Variants in ADGRG2 observed in about 807,000 individuals in gnomAD.
ADGRG2 encodes G protein-coupled receptor 64.
In ADGRG2, 26 loss-of-function variants were observed where a neutral mutation model predicts 74.1. The observed-to-expected ratio is 0.35, with a 90% confidence interval of 0.26 to 0.49. The LOEUF is 0.49. ADGRG2 is among the 20% of genes least tolerant of loss of function. ADGRG2 has a pLI of 0.99. For synonymous variants in ADGRG2, 296 were observed against 295.2 expected (o/e 1.00, Z -0.03); for missense variants, 619 against 763.1 (o/e 0.81, Z 2.22).
rs766298991 is a variant in ADGRG2, at chrX:18,996,139, G to A, written c.2628C>T (p.Phe876=). ...TTTCTTTGGCCACACAGTAAAAGAT[G>A]AATATGAAAAATCCTAAGGAGGGAA... is the stretch of plus-strand genomic sequence containing the variant. ...IFNTLQGFFI[F]IFYCVAKENV... The change falls in exon 27 of 29, where the codon TTC becomes TTT. Residue 876 remains phenylalanine (F), a synonymous_variant. Transcript: ENST00000379869. 3.8e-5 allele frequency: 42 copies of A among 1,115,147 alleles called. No homozygotes were observed. Among genetic ancestry groups the A allele is most frequent in the Non-Finnish European group, 5.2e-5 (42 of 812,213 alleles). The allele number at this position is 1,115,147 out of a possible 1,213,427, so 91.9% of individuals were successfully genotyped here.
chrX:19,007,141 C>G, intron 20 of ADGRG2, 94 bp downstream of exon 20: 2 of 919,233 alleles, frequency 2.2e-6, no homozygotes, highest in Non-Finnish European at 3.1e-6. Flanking sequence ...AAGGTTCTTT[C>G]TGCCTGATCT....
intron 8 of ADGRG2, chrX:19,031,259 G>A (rs1165802546): frequency 5.2e-6 from 2 of 385,165 alleles, no homozygotes; most frequent in East Asian, 4.4e-5. Context: ...TCTTTAGTAT[G>A]TCAATATCTG....
chrX:19,083,170 AT>A (rs58522004), intron 1 of ADGRG2, among the ~76,000 whole-genome samples: 283 of 83,143 alleles, frequency 3.4e-3, no homozygotes, highest in South Asian at 8.2e-3. Context: ...CACCCGGCTA[AT>A]TTTTTTTTTT....
chrX:19,074,218 C>T (rs1333468476), intron 2 of ADGRG2, among the ~76,000 whole-genome samples: 1 of 110,899 alleles, frequency 9.0e-6, no homozygotes, highest in Non-Finnish European at 1.9e-5. Context: ...GAATAAAATG[C>T]TAAAAGCATT....
At chrX:19,022,151 C>A (rs2060603112) in intron 13 of ADGRG2, among the ~76,000 whole-genome samples, 1 of 109,528 alleles carries the variant, frequency 9.1e-6, no homozygotes, top group Admixed American at 9.7e-5. Context: ...GTAATCCCAG[C>A]TACTCAGGAG....
At chrX:19,092,248 T>C (rs748621600) in intron 1 of ADGRG2, among the ~76,000 whole-genome samples, 1 of 112,272 alleles carries the variant, frequency 8.9e-6, no homozygotes, top group African/African-American at 3.2e-5. Flanking sequence ...TTGGCCTTCA[T>C]AGTCACATAC....
At chrX:19,018,999 T>G (rs992762096) in intron 15 of ADGRG2, among the ~76,000 whole-genome samples, 1 of 111,167 alleles carries the variant, frequency 9.0e-6, no homozygotes, top group Non-Finnish European at 1.9e-5. Flanking sequence ...CCCGCCACCA[T>G]GCCCGGCTAA....
chrX:19,098,899 G>GT (rs1379455884), intron 1 of ADGRG2, among the ~76,000 whole-genome samples: 3 of 112,530 alleles, frequency 2.7e-5, no homozygotes, highest in Non-Finnish European at 5.6e-5. Flanking sequence ...AGAAAATTAA[G>GT]TGAGGCCAGG....
chrX:19,025,257 T>C (rs965594800), intron 11 of ADGRG2, among the ~76,000 whole-genome samples: 1 of 109,989 alleles, frequency 9.1e-6, no homozygotes, highest in Non-Finnish European at 1.9e-5. Flanking sequence ...CCCACCAGAT[T>C]CTAGAGCCCT....
At chrX:19,077,263 G>A (rs1046363493) in intron 2 of ADGRG2, among the ~76,000 whole-genome samples, 36 of 105,710 alleles carry the variant, frequency 3.4e-4, no homozygotes, top group Middle Eastern at 9.9e-3. Context: ...TCGGGAGGCC[G>A]AAGCGGGTGG....
intron 15 of ADGRG2, among the ~76,000 whole-genome samples, chrX:19,015,873 A>G (rs1338273339): frequency 1.8e-5 from 2 of 112,071 alleles, no homozygotes; most frequent in African/African-American, 3.2e-5. Context: ...TGCTTTGCAA[A>G]GTATACATTA....
At chrX:19,108,104 CAAAAAAAAA>C (rs143987070) in intron 1 of ADGRG2, among the ~76,000 whole-genome samples, 1 of 44,972 alleles carries the variant, frequency 2.2e-5, no homozygotes, top group East Asian at 8.2e-4. Context: ...GACTCCGTCT[CAAAAAAAAA>C]AAAAAAAAGA....
At chrX:19,010,456 G>T (rs754125435) in intron 17 of ADGRG2, among the ~76,000 whole-genome samples, 157 bp downstream of exon 17, 66 of 109,892 alleles carry the variant, frequency 6.0e-4, no homozygotes, top group African/African-American at 2.1e-3. Context: ...AGTCCCATCT[G>T]TCTCCTCATT....
chrX:19,013,430 A>G (rs1032067690), intron 16 of ADGRG2, among the ~76,000 whole-genome samples: 2 of 112,038 alleles, frequency 1.8e-5, no homozygotes, highest in African/African-American at 6.5e-5. Flanking sequence ...CATGAAAGAT[A>G]CCGATACCTG....
chrX:19,032,814 C>T (rs1234056162), intron 8 of ADGRG2: 1 of 112,034 alleles, frequency 8.9e-6, no homozygotes, highest in Admixed American at 9.5e-5. Flanking sequence ...GCAGTGAGCC[C>T]GATTTGGCCC....
intron 16 of ADGRG2, among the ~76,000 whole-genome samples, chrX:19,011,362 T>TGG (rs2060353397): frequency 8.9e-6 from 1 of 112,066 alleles, no homozygotes; most frequent in Non-Finnish European, 1.9e-5. Context: ...ACTGCAAAAA[T>TGG]TTGATTTATC....
intron 9 of ADGRG2, among the ~76,000 whole-genome samples, 187 bp downstream of exon 9, chrX:19,030,797 C>T (rs2060809423): frequency 1.8e-5 from 2 of 111,961 alleles, no homozygotes; most frequent in East Asian, 2.8e-4. Flanking sequence ...CACTAGGCAA[C>T]GGGAAGATAA....
chrX:19,121,336 A>G (rs773964287), intron 1 of ADGRG2, among the ~76,000 whole-genome samples: 1 of 111,705 alleles, frequency 9.0e-6, no homozygotes, highest in South Asian at 3.8e-4. Context: ...ACACATTAAT[A>G]CATTTGCATG....
chrX:19,023,869 A>G (rs2060644196), intron 12 of ADGRG2, 40 bp downstream of exon 12: 6 of 979,487 alleles, frequency 6.1e-6, no homozygotes, highest in Non-Finnish European at 8.7e-6. Flanking sequence ...CCAGGTCATA[A>G]CAATAATTAT....
Sources: allele counts gnomAD v4.1 joint callset (sites outside exome capture counted in the v4.1 genomes callset), GRCh38; gene constraint gnomAD v4.1.1; transcripts MANE v1.5; gene names NCBI Gene and HGNC (gene_info 2026-07-23, HGNC 2026-07-21).